The following RRP15 variants were observed in gnomAD, a reference collection of about 807,000 sequenced individuals.
RRP15 encodes ribosomal RNA processing 15 homolog.
In RRP15, 18 loss-of-function variants were observed where a neutral mutation model predicts 27.1. That is an observed-to-expected ratio of 0.66 (90% confidence interval 0.46 to 0.98). The LOEUF (loss-of-function observed/expected upper bound fraction) is 0.98. Among genes scored for constraint, RRP15 ranks in the 50% least tolerant of loss-of-function variants. The pLI is 0.00. For missense variants in RRP15, 359 were observed against 337.8 expected, an observed-to-expected ratio of 1.06 and a Z score of -0.49; for synonymous variants, 107 against 109.4, an observed-to-expected ratio of 0.98 and a Z score of 0.14.
rs769482984 is a variant in RRP15, at chr1:218,331,062, C to A, written c.820C>A (p.Pro274Thr). 6 of 1,612,450 alleles carry A rather than the reference C, an allele frequency of 3.7e-6. No homozygotes were observed. Among genetic ancestry groups the A allele is most frequent in the Non-Finnish European group, 5.1e-6 (6 of 1,178,886 alleles). Residue 274 changes from proline (P) to threonine (T), a missense_variant, in exon 5 of 5, where the codon CCA becomes ACA. By Grantham distance (38) the Pro-to-Thr change is conservative. Transcript: ENST00000366932. ...KESDGPDDSRPESASDSDT is the reference protein window; with the variant it reads ...KESDGPDDSRTESASDSDT ...AAGTGATGGGCCAGATGACAGCAGA[C>A]CAGAATCTGCAAGTGACTCTGATAC...
intron 4 of RRP15, among the ~76,000 whole-genome samples, chr1:218,324,159 A>G (rs772772392): frequency 6.6e-6 from 1 of 151,908 alleles, no homozygotes; most frequent in Non-Finnish European, 1.5e-5. Context: ...CGGGTGACTT[A>G]GTCTGGCCCC....
At chr1:218,309,466 C>T (rs1487008292) in intron 4 of RRP15, among the ~76,000 whole-genome samples, 13 of 151,792 alleles carry the variant, frequency 8.6e-5, no homozygotes, top group African/African-American at 3.1e-4. Context: ...GGGCGGATCA[C>T]GAGGTCAGGA....
At chr1:218,291,689 G>A (rs981127341) in intron 1 of RRP15, among the ~76,000 whole-genome samples, 20 of 151,602 alleles carry the variant, frequency 1.3e-4, no homozygotes, top group African/African-American at 3.9e-4. Flanking sequence ...GTGCCACCAC[G>A]CCCGGCTAAT....
At chr1:218,287,799 T>C (rs895079415) in intron 1 of RRP15, among the ~76,000 whole-genome samples, 3 of 152,222 alleles carry the variant, frequency 2.0e-5, no homozygotes, top group Admixed American at 6.5e-5. Context: ...AAAGTATGTC[T>C]TGTTTATTTT....
Position 218,331,224 on chromosome 1 carries a change from C to T in RRP15, c.*133C>T, listed in dbSNP as rs1656362888. 1 of 712,738 alleles carries T rather than the reference C, an allele frequency of 1.4e-6. No individual in the cohort carries two copies. Among genetic ancestry groups the T allele is most frequent in the Non-Finnish European group, 2.2e-6 (1 of 448,564 alleles). 44.2% of individuals were successfully genotyped at this position (712,738 alleles called of 1,614,324 possible). A position where few individuals can be genotyped will look rare whatever the true frequency, so the allele number is the denominator to read the frequency against. ...ACTTTTGCCAGATTTCATATTTCCCCTTTTCATGTACACTTTATATATACT... is the reference window on the plus strand; with the variant it reads ...ACTTTTGCCAGATTTCATATTTCCCTTTTTCATGTACACTTTATATATACT... On this transcript the variant is annotated 3_prime_UTR_variant, in exon 5 of 5. Coordinates refer to ENST00000366932, the MANE Select transcript of RRP15 (RefSeq NM_016052.4).
chr1:218,323,561 C>A (rs1195381771), intron 4 of RRP15, among the ~76,000 whole-genome samples: 3 of 152,198 alleles, frequency 2.0e-5, no homozygotes, highest in Non-Finnish European at 4.4e-5. Context: ...GGTCCCCAGG[C>A]TTCGGGCCCT....
At chr1:218,329,304 C>T (rs1468581456) in intron 4 of RRP15, among the ~76,000 whole-genome samples, 2 of 149,212 alleles carry the variant, frequency 1.3e-5, no homozygotes, top group African/African-American at 5.0e-5. Context: ...CCTGTAGTCC[C>T]AGCTACTCTG....
At chr1:218,318,418 A>G (rs796193631) in intron 4 of RRP15, among the ~76,000 whole-genome samples, 9 of 152,150 alleles carry the variant, frequency 5.9e-5, no homozygotes, top group African/African-American at 2.2e-4. Context: ...CTAGCTTTTT[A>G]AAGAGACAAG....
intron 4 of RRP15, among the ~76,000 whole-genome samples, chr1:218,316,921 TCTCA>T (rs1656097956): frequency 6.6e-6 from 1 of 152,258 alleles, no homozygotes; most frequent in Admixed American, 6.5e-5. Flanking sequence ...ATTTGGATAT[TCTCA>T]CTCACGTTAG....
At chr1:218,291,984 C>T (rs569443088) in intron 1 of RRP15, among the ~76,000 whole-genome samples, 3 of 152,216 alleles carry the variant, frequency 2.0e-5, no homozygotes, top group East Asian at 3.9e-4. Context: ...ACCACAAGTG[C>T]GTGCCATCAT....
At chr1:218,294,033 A>G (rs1457467158) in intron 1 of RRP15, among the ~76,000 whole-genome samples, 3 of 152,190 alleles carry the variant, frequency 2.0e-5, no homozygotes, top group Non-Finnish European at 4.4e-5. Flanking sequence ...GGTGAATTGC[A>G]GTACTGTCAG....
At chr1:218,303,792 C>CT (rs749216402) in intron 2 of RRP15, among the ~76,000 whole-genome samples, 1 of 151,756 alleles carries the variant, frequency 6.6e-6, no homozygotes, top group Non-Finnish European at 1.5e-5. Context: ...TACAAATGCT[C>CT]TTTGTGTGTA....
At chr1:218,295,619 T>C (rs1933641) in intron 1 of RRP15, among the ~76,000 whole-genome samples, 148,797 of 152,332 alleles carry the variant, frequency 0.98, 72,690 homozygotes, top group Middle Eastern at 1. Context: ...AATAACCTAG[T>C]GGATAAATGT....
At position 218,337,655 on chromosome 1, in the gene RRP15, A is replaced by G. The variant is rs1401257736; in HGVS notation, c.*6564A>G. ...ATAAGACTTTTTTTTAAAGAATGTA[A>G]TTTTTGACAGTCTGAAAAGACAGGC... On this transcript the variant is annotated 3_prime_UTR_variant, in exon 5 of 5. Coordinates refer to ENST00000366932, the MANE Select transcript of RRP15 (RefSeq NM_016052.4). 1 of 152,168 alleles carries G rather than the reference A, an allele frequency of 6.6e-6. No individual in the cohort carries two copies. The highest frequency in any genetic ancestry group is 1.5e-5 in the Non-Finnish European group (1 of 68,016). The allele number at this position is 152,168 out of a possible 1,614,324, so 9.4% of individuals were successfully genotyped here.
chr1:218,322,494 G>C (rs1656201782), intron 4 of RRP15, among the ~76,000 whole-genome samples: 2 of 151,246 alleles, frequency 1.3e-5, no homozygotes, highest in Admixed American at 1.3e-4. Flanking sequence ...TAGGATTTGT[G>C]GAAATGGTTT....
intron 4 of RRP15, among the ~76,000 whole-genome samples, chr1:218,314,885 G>A (rs1447761157): frequency 6.6e-6 from 1 of 151,634 alleles, no homozygotes; most frequent in African/African-American, 2.4e-5. Context: ...CCAGCTACTT[G>A]GGAGGCTGAG....
intron 4 of RRP15, among the ~76,000 whole-genome samples, chr1:218,327,697 T>A (rs1028728999): frequency 6.6e-6 from 1 of 152,242 alleles, no homozygotes; most frequent in Non-Finnish European, 1.5e-5. Flanking sequence ...TTATAAATTT[T>A]CTATTGTGTC....
At chr1:218,325,762 A>G (rs545343722) in intron 4 of RRP15, among the ~76,000 whole-genome samples, 64 of 152,252 alleles carry the variant, frequency 4.2e-4, no homozygotes, top group Admixed American at 4.1e-3. Flanking sequence ...TTGTTAAAGT[A>G]TTTTATTAAT....
At position 218,331,861 on chromosome 1, in the gene RRP15, G is replaced by C. The variant is rs1017583236; in HGVS notation, c.*770G>C. 3.3e-5 allele frequency: 5 copies of C among 151,398 alleles called. No individual in the cohort carries two copies. Among genetic ancestry groups the C allele is most frequent in the African/African-American group, 1.2e-4 (5 of 41,250 alleles). 9.4% of individuals were successfully genotyped at this position (151,398 alleles called of 1,614,324 possible). A position where few individuals can be genotyped will look rare whatever the true frequency, so the allele number is the denominator to read the frequency against. On this transcript the variant is annotated 3_prime_UTR_variant, in exon 5 of 5. Transcript: ENST00000366932. ...CTAATTTTTTGTTTTTGTATTTTTAGTAGAGACGGGGTTTCACCATGTTAG... is the reference window on the plus strand; with the variant it reads ...CTAATTTTTTGTTTTTGTATTTTTACTAGAGACGGGGTTTCACCATGTTAG...
Sources: gnomAD v4.1 joint callset for allele counts (sites outside exome capture counted in the v4.1 genomes callset) on GRCh38, gnomAD v4.1.1 for gene constraint, MANE v1.5 for transcripts, NCBI Gene and HGNC (gene_info 2026-07-23, HGNC 2026-07-21) for gene names.